The following ELL2 variants were observed in gnomAD, a reference collection of about 807,000 sequenced individuals.
ELL2 encodes RNA polymerase II elongation factor ELL2.
In ELL2, 21 loss-of-function variants were observed where a neutral mutation model predicts 72.8. The ratio of observed to expected loss-of-function variants is 0.29; its 90% confidence interval spans 0.20 to 0.42. The LOEUF is 0.42. ELL2 is among the 10% of genes least tolerant of loss of function. ELL2 has a pLI of 1.00. For missense variants in ELL2, 568 were observed against 772.8 expected, an observed-to-expected ratio of 0.73 and a Z score of 3.14; for synonymous variants, 266 against 283.2, an observed-to-expected ratio of 0.94 and a Z score of 0.61.
intron 5 of ELL2, 27 bp downstream of exon 5, chr5:95,906,496 G>A (rs1489826902): frequency 6.4e-7 from 1 of 1,562,398 alleles, no homozygotes; most frequent in Non-Finnish European, 8.7e-7. Flanking sequence ...AGGTAAGCAG[G>A]AAGGACCTCT....
At chr5:95,948,453 A>AAAAAAAAAAAAAG (rs1751258288) in intron 1 of ELL2, among the ~76,000 whole-genome samples, 1 of 144,980 alleles carries the variant, frequency 6.9e-6, no homozygotes, top group African/African-American at 2.6e-5. Context: ...AAAAAAAAAA[A>AAAAAAAAAAAAAG]GCCACAGGAA....
In ELL2 at chr5:95,956,099, T is replaced by A. The variant is rs1050126171; in HGVS notation, c.147+5476A>T. 5.9e-5 allele frequency among the ~76,000 whole-genome samples: 9 copies of A among 152,158 alleles called. No individual in the cohort carries two copies. In the East Asian group the frequency reaches 1.7e-3, roughly 29 times the overall value. ...TGTCCTTGGTAAGCTTTTCTGTAAG[T>A]CATTCCAAGAATTCTACGCCCCTTT... On this transcript the variant is annotated intron_variant, in intron 1 of 11. Transcript: ENST00000237853.
At chr5:95,896,564 G>C (rs550975393) in intron 8 of ELL2, among the ~76,000 whole-genome samples, 1 of 152,178 alleles carries the variant, frequency 6.6e-6, no homozygotes, top group Non-Finnish European at 1.5e-5. Flanking sequence ...TAGACTCTGA[G>C]TGCATGCTGC....
chr5:95,915,046 T>C (rs746177009), intron 3 of ELL2, among the ~76,000 whole-genome samples: 4 of 152,224 alleles, frequency 2.6e-5, no homozygotes, highest in Non-Finnish European at 5.9e-5. Flanking sequence ...ACTACAGCTC[T>C]GATCATCTAT....
Position 95,888,423 on chromosome 5 carries a change from TTTGCA to T in ELL2, c.*443_*447del, listed in dbSNP as rs777131027. 6.6e-6 allele frequency: 1 copy of T among 152,470 alleles called. No individual in the cohort carries two copies. The highest frequency in any genetic ancestry group is 1.5e-5 in the Non-Finnish European group (1 of 68,308). The allele number at this position is 152,470 out of a possible 1,614,324, so 9.4% of individuals were successfully genotyped here. The stretch of plus-strand genomic sequence containing the variant: ...ATATTCTACCATTTAAGGCAAAGAG[TTTGCA>T]TTAAGAAACGTCAGAAAATAGGCTT... On this transcript the variant is annotated 3_prime_UTR_variant, in exon 12 of 12. Coordinates refer to ENST00000237853, the MANE Select transcript of ELL2 (RefSeq NM_012081.6).
chr5:95,919,391 T>A (rs374700396), intron 3 of ELL2, 33 bp downstream of exon 3: 1 of 1,560,780 alleles, frequency 6.4e-7, no homozygotes. Context: ...ATAAAAAATT[T>A]TTCCCCTTCA....
At chr5:95,943,224 C>T (rs985545242) in intron 1 of ELL2, among the ~76,000 whole-genome samples, 175 bp from the exon 2 acceptor site, 19 of 150,594 alleles carry the variant, frequency 1.3e-4, no homozygotes, top group Non-Finnish European at 8.8e-5. Flanking sequence ...AGTTCAAGAC[C>T]AGCCTGGGCA....
At chr5:95,916,192 G>A (rs768214258) in intron 3 of ELL2, among the ~76,000 whole-genome samples, 13 of 151,954 alleles carry the variant, frequency 8.6e-5, no homozygotes, top group Non-Finnish European at 1.8e-4. Flanking sequence ...AGAGAGGTGG[G>A]GGAAAAAAGT....
intron 1 of ELL2, among the ~76,000 whole-genome samples, chr5:95,957,809 C>T (rs1751675656): frequency 6.6e-6 from 1 of 152,170 alleles, no homozygotes; most frequent in South Asian, 2.1e-4. Flanking sequence ...ATCAAATATT[C>T]TGTTTCCACA....
chr5:95,921,124 G>A (rs1750063239), intron 2 of ELL2, among the ~76,000 whole-genome samples: 1 of 151,770 alleles, frequency 6.6e-6, no homozygotes, highest in African/African-American at 2.4e-5. Context: ...TCCCAACCCT[G>A]GAAAAAGGTA....
At chr5:95,894,678 C>A (rs1385963760) in intron 9 of ELL2, among the ~76,000 whole-genome samples, 2 of 152,182 alleles carry the variant, frequency 1.3e-5, no homozygotes, top group Non-Finnish European at 2.9e-5. Context: ...GAGATGATAA[C>A]CAGCATTATG....
chr5:95,931,490 G>A (rs1216911668), intron 2 of ELL2, among the ~76,000 whole-genome samples: 1 of 151,782 alleles, frequency 6.6e-6, no homozygotes, highest in Non-Finnish European at 1.5e-5. Context: ...CAAGCTCTTC[G>A]GATAATCAAA....
At chr5:95,912,081 T>C (rs1453768538) in intron 4 of ELL2, among the ~76,000 whole-genome samples, 3 of 152,360 alleles carry the variant, frequency 2.0e-5, no homozygotes, top group Non-Finnish European at 4.4e-5. Context: ...TTGTAGTATC[T>C]ATAAGAAACC....
At chr5:95,912,555 G>T (rs1386409893) in intron 4 of ELL2, among the ~76,000 whole-genome samples, 1 of 152,130 alleles carries the variant, frequency 6.6e-6, no homozygotes, top group Non-Finnish European at 1.5e-5. Context: ...AGTTAATTAA[G>T]TTACTTCTGG....
At chr5:95,899,799 A>G (rs1749061340) in intron 7 of ELL2, among the ~76,000 whole-genome samples, 1 of 152,230 alleles carries the variant, frequency 6.6e-6, no homozygotes, top group Admixed American at 6.5e-5. Flanking sequence ...AGTTGGCATT[A>G]AAAGTGAGAC....
chr5:95,908,502 C>G (rs1247364306), intron 4 of ELL2, among the ~76,000 whole-genome samples: 2 of 152,176 alleles, frequency 1.3e-5, no homozygotes, highest in African/African-American at 4.8e-5. Context: ...AGGGCAGTGG[C>G]TGCTTTGTCC....
At chr5:95,899,951 C>T (rs1173013202) in intron 7 of ELL2, among the ~76,000 whole-genome samples, 2 of 152,168 alleles carry the variant, frequency 1.3e-5, no homozygotes, top group African/African-American at 4.8e-5. Context: ...TTAGTGTTCT[C>T]CACACATCTG....
intron 2 of ELL2, among the ~76,000 whole-genome samples, chr5:95,925,303 T>C (rs1750243657): frequency 6.6e-6 from 1 of 152,176 alleles, no homozygotes; most frequent in East Asian, 1.9e-4. Context: ...GCCAAGATCA[T>C]CTATAATTTC....
Position 95,891,088 on chromosome 5 carries a change from T to G in ELL2, c.1761+15A>C. The stretch of plus-strand genomic sequence containing the variant: ...AAATATGAAAGTCAGCCCATCTAGT[T>G]ACAAATCCATTTACCTGATACTCTT... On this transcript the variant is annotated intron_variant, in intron 10 of 11. Transcript: ENST00000237853. 6.2e-7 allele frequency: 1 copy of G among 1,614,084 alleles called. No homozygotes were observed. The highest frequency in any genetic ancestry group is 8.5e-7 in the Non-Finnish European group (1 of 1,179,986).
Sources: gnomAD v4.1 joint callset for allele counts (sites outside exome capture counted in the v4.1 genomes callset) on GRCh38, gnomAD v4.1.1 for gene constraint, MANE v1.5 for transcripts, NCBI Gene and HGNC (gene_info 2026-07-23, HGNC 2026-07-21) for gene names.